TDRD10: variants seen among roughly 807,000 people sequenced by gnomAD.
TDRD10 encodes the protein tudor domain containing 10.
Under a neutral mutation model 48.0 loss-of-function variants are expected in TDRD10, and 40 were observed. That is an observed-to-expected ratio of 0.83 (90% CI 0.65 to 1.09). TDRD10 has a LOEUF of 1.09. TDRD10 is among the 50% of genes least tolerant of loss of function. The pLI, the probability that TDRD10 is intolerant of heterozygous loss-of-function variation, is 0.00. For missense variants in TDRD10, 378 were observed against 434.7 expected (o/e 0.87, Z 1.16); for synonymous variants, 162 against 170.4 (o/e 0.95, Z 0.38).
At chr1:154,534,446 A>C (rs1190172695) in intron 6 of TDRD10, 1 of 152,230 alleles carries the variant, frequency 6.6e-6, no homozygotes, top group Admixed American at 6.5e-5. Context: ...ACGAGGTGGC[A>C]GTTTCTGACA....
rs1452512929 is a variant in TDRD10, at chr1:154,531,937, ACAG to A, written c.370-10086_370-10084del. ...TGTATTCACAAACCCTGAGCTAGAC[ACAG>A]AGCGCTGATTGGTGTATTTACAATC... is the stretch of plus-strand genomic sequence containing the variant. On this transcript the variant is annotated intron_variant, in intron 6 of 12. Transcript: ENST00000368482. 2.0e-5 allele frequency among the ~76,000 whole-genome samples: 3 copies of A among 152,328 alleles called. 1 individual carries two copies. The East Asian group carries it at 5.8e-4, about 29-fold the overall frequency.
At chr1:154,532,397 C>G (rs1223093310) in intron 6 of TDRD10, among the ~76,000 whole-genome samples, 15 of 152,192 alleles carry the variant, frequency 9.9e-5, no homozygotes, top group African/African-American at 3.6e-4. Context: ...CACGCCCACC[C>G]AGAACTCTAG....
chr1:154,527,561 T>C (rs1030470760), intron 6 of TDRD10, among the ~76,000 whole-genome samples: 14 of 152,164 alleles, frequency 9.2e-5, no homozygotes, highest in African/African-American at 3.1e-4. Context: ...ATCTTTACGA[T>C]CTCAGTGAGG....
chr1:154,538,543 T>A (rs1570972041), intron 6 of TDRD10, among the ~76,000 whole-genome samples: 2 of 73,126 alleles, frequency 2.7e-5, no homozygotes, highest in African/African-American at 5.1e-5. Flanking sequence ...AGAGCGAAAC[T>A]CTATCTCAAA....
intron 4 of TDRD10, among the ~76,000 whole-genome samples, chr1:154,515,682 C>T (rs1430682463): frequency 6.6e-6 from 1 of 152,158 alleles, no homozygotes; most frequent in Admixed American, 6.5e-5. Context: ...TTAATACTTT[C>T]CACCATCGAA....
chr1:154,520,199 A>G (rs1177907544), intron 4 of TDRD10, 105 bp from the exon 5 acceptor site: 4 of 781,870 alleles, frequency 5.1e-6, no homozygotes, highest in Admixed American at 4.1e-5. Context: ...CTCATTAAGT[A>G]TGAGTTAAAT....
chr1:154,546,095 A>T (rs1359897433), intron 11 of TDRD10, among the ~76,000 whole-genome samples: 1 of 144,000 alleles, frequency 6.9e-6, no homozygotes, highest in Non-Finnish European at 1.5e-5. Context: ...AAGTCTTGAG[A>T]TGGAGTCTTG....
intron 6 of TDRD10, among the ~76,000 whole-genome samples, chr1:154,534,841 C>T (rs1050340560): frequency 1.3e-5 from 2 of 148,536 alleles, no homozygotes; most frequent in Non-Finnish European, 3.0e-5. Context: ...AGGCAGTGTT[C>T]AGGTCAGCGT....
intron 4 of TDRD10, among the ~76,000 whole-genome samples, chr1:154,514,777 T>C (rs564856722): frequency 6.6e-6 from 1 of 152,176 alleles, no homozygotes; most frequent in African/African-American, 2.4e-5. Flanking sequence ...AGCCTCGACC[T>C]CCCGGGCCCA....
At chr1:154,504,490 T>C (rs996764179) in intron 1 of TDRD10, among the ~76,000 whole-genome samples, 1 of 152,198 alleles carries the variant, frequency 6.6e-6, no homozygotes, top group African/African-American at 2.4e-5. Flanking sequence ...CTACCAGCAA[T>C]ATGAGGGCCC....
chr1:154,504,159 A>G (rs769892934), intron 1 of TDRD10, among the ~76,000 whole-genome samples: 1 of 152,234 alleles, frequency 6.6e-6, no homozygotes, highest in Non-Finnish European at 1.5e-5. Flanking sequence ...TTCCCTTAGC[A>G]TCATTTTTCA....
intron 4 of TDRD10, among the ~76,000 whole-genome samples, chr1:154,515,902 AGGCGGGGTTTCACCATGTT>A (rs973196579): frequency 2.0e-5 from 3 of 151,958 alleles, no homozygotes; most frequent in African/African-American, 7.3e-5. Context: ...TTTTTAGTAG[AGGCGGGGTTTCACCATGTT>A]GGCCAGGCTG....
intron 6 of TDRD10, among the ~76,000 whole-genome samples, chr1:154,532,286 G>A (rs542831757): frequency 1.3e-5 from 2 of 152,320 alleles, no homozygotes; most frequent in Non-Finnish European, 2.9e-5. Context: ...AGCACCAGTG[G>A]GCCAGCACTG....
rs928641549 is a variant in TDRD10, at chr1:154,506,372, G to GTC, written c.-27-497_-27-496dup. ...ACTTTAACTTTGTTTCTGTTGTCAC[G>GTC]TCTCTCTCTTTTTTTTTTTTTGAGA... On this transcript the variant is annotated intron_variant, in intron 1 of 12. Coordinates refer to ENST00000368482, the MANE Select transcript of TDRD10 (RefSeq NM_182499.4). Among the ~76,000 whole-genome samples the GTC allele has an allele frequency of 5.3e-5, 7 of 131,870 alleles. No homozygotes were observed. In the South Asian group the frequency reaches 1.7e-3, roughly 32 times the overall value. The allele number at this position is 131,870 out of a possible 152,430, so 86.5% of individuals were successfully genotyped here. A position where few individuals can be genotyped will look rare whatever the true frequency, so the allele number is the denominator to read the frequency against.
At chr1:154,521,988 C>T (rs978991556) in intron 6 of TDRD10, among the ~76,000 whole-genome samples, 4 of 152,150 alleles carry the variant, frequency 2.6e-5, no homozygotes, top group African/African-American at 9.7e-5. Context: ...GAGCTTCCCT[C>T]AAAAGGAGGA....
intron 11 of TDRD10, among the ~76,000 whole-genome samples, chr1:154,545,213 G>A (rs115697580): frequency 0.013 from 2,009 of 152,252 alleles, 25 homozygotes; most frequent in Non-Finnish European, 0.019. Context: ...GAGAGAAGAG[G>A]GCAGATTTCC....
intron 6 of TDRD10, among the ~76,000 whole-genome samples, chr1:154,530,844 G>T (rs544871615): frequency 4.0e-5 from 6 of 149,642 alleles, no homozygotes; most frequent in Non-Finnish European, 7.4e-5. Flanking sequence ...TTTTATTTTG[G>T]TTATGGTATT....
intron 1 of TDRD10, among the ~76,000 whole-genome samples, chr1:154,505,272 A>G (rs1232531960): frequency 1.3e-5 from 2 of 152,254 alleles, no homozygotes; most frequent in Non-Finnish European, 1.5e-5. Context: ...TTAGCTGCTT[A>G]GCATAGTACC....
chr1:154,542,652 A>G lies in TDRD10; in HGVS notation c.413-79A>G, dbSNP rs1018816332. 4 of 1,093,026 alleles carry G rather than the reference A, an allele frequency of 3.7e-6. No homozygotes were observed. The African/African-American group carries it at 6.3e-5, about 17-fold the overall frequency. The allele number at this position is 1,093,026 out of a possible 1,614,324, so 67.7% of individuals were successfully genotyped here. A position where few individuals can be genotyped will look rare whatever the true frequency, so the allele number is the denominator to read the frequency against. ...TTATGCTTCCTTGGAGGGCAGGGCCAAGGCCTCTTGTGGGTTAGGGGAGCA... is the reference window on the plus strand; with the variant it reads ...TTATGCTTCCTTGGAGGGCAGGGCCGAGGCCTCTTGTGGGTTAGGGGAGCA... On this transcript the variant is annotated intron_variant, in intron 7 of 12. Transcript: ENST00000368482.
Sources: gnomAD v4.1 joint callset for allele counts (sites outside exome capture counted in the v4.1 genomes callset) on GRCh38, gnomAD v4.1.1 for gene constraint, MANE v1.5 for transcripts, NCBI Gene and HGNC (gene_info 2026-07-23, HGNC 2026-07-21) for gene names.